Variants in MYO5B observed in about 807,000 individuals in gnomAD.
The protein encoded by MYO5B is unconventional myosin-Vb.
A neutral mutation model predicts 229.3 loss-of-function variants in MYO5B; 143 were observed. The ratio of observed to expected loss-of-function variants is 0.62; its 90% CI spans 0.54 to 0.72. MYO5B has a LOEUF of 0.72. Ranked by LOEUF, MYO5B falls within the 30% of genes least tolerant of loss-of-function variation. The pLI, the probability that MYO5B is intolerant of heterozygous loss-of-function variation, is 0.00. For synonymous variants in MYO5B, 918 were observed against 885.2 expected, an observed-to-expected ratio of 1.04 and a Z score of -0.66; for missense variants, 2,321 against 2,331.0, an observed-to-expected ratio of 1.00 and a Z score of 0.09.
intron 1 of MYO5B, among the ~76,000 whole-genome samples, chr18:50,162,735 C>G (rs1790462): frequency 0.45 from 67,959 of 152,158 alleles, 15,334 homozygotes; most frequent in Admixed American, 0.52. Context: ...TCCACTGCCT[C>G]TAAGTGCTGC....
At chr18:49,836,664 G>A (rs747524662) in intron 38 of MYO5B, 47 bp downstream of exon 38, 4 of 1,608,510 alleles carry the variant, frequency 2.5e-6, no homozygotes, top group Non-Finnish European at 3.4e-6. Flanking sequence ...AATGGACTCA[G>A]GGCTTCCTTG....
At chr18:49,909,407 C>G (rs1349182220) in intron 18 of MYO5B, among the ~76,000 whole-genome samples, 2 of 152,204 alleles carry the variant, frequency 1.3e-5, no homozygotes, top group Admixed American at 1.3e-4. Flanking sequence ...ACCTAGGCAA[C>G]CTTGGGCAAT....
chr18:49,971,325 C>CA (rs1036054729), intron 10 of MYO5B, among the ~76,000 whole-genome samples: 1 of 151,846 alleles, frequency 6.6e-6, no homozygotes, highest in African/African-American at 2.4e-5. Context: ...CATTAAAAAA[C>CA]AAAAAAGGCA....
chr18:49,971,620 C>T (rs1207762439), intron 10 of MYO5B, among the ~76,000 whole-genome samples: 1 of 152,218 alleles, frequency 6.6e-6, no homozygotes, highest in Non-Finnish European at 1.5e-5. Context: ...ACCAGAAAGA[C>T]AGCCTGGGCC....
rs1014444102 is a variant in MYO5B, at chr18:50,126,788, G to A, written c.27+67979C>T. 5.9e-5 allele frequency among the ~76,000 whole-genome samples: 9 copies of A among 152,182 alleles called. No homozygotes were observed. In the South Asian group the frequency reaches 1.7e-3, roughly 28 times the overall value. On this transcript the variant is annotated intron_variant, in intron 1 of 39. Coordinates refer to ENST00000285039, the MANE Select transcript of MYO5B (RefSeq NM_001080467.3). ...CACTATGGCAGTGAAGAGCATGCATGGTGAAGCCAGACTTCCTGGGCTTGA... is the reference window on the plus strand; with the variant it reads ...CACTATGGCAGTGAAGAGCATGCATAGTGAAGCCAGACTTCCTGGGCTTGA...
Position 50,195,070 on chromosome 18 carries a change from T to TGGGGAGGAGGCGAGGGCC in MYO5B, c.-295_-278dup. ...CGCCGCACCACTCCCCTCCCAGGTG[T>TGGGGAGGAGGCGAGGGCC]GGGGAGGAGGCGAGGGCCGGCGAGG... is the stretch of plus-strand genomic sequence containing the variant. On this transcript the variant is annotated 5_prime_UTR_variant, in exon 1 of 40. Transcript: ENST00000285039. 3.2e-6 allele frequency: 1 copy of TGGGGAGGAGGCGAGGGCC among 311,136 alleles called. No individual in the cohort carries two copies. Among genetic ancestry groups the TGGGGAGGAGGCGAGGGCC allele is most frequent in the Non-Finnish European group, 5.8e-6 (1 of 172,062 alleles). 19.3% of individuals were successfully genotyped at this position (311,136 alleles called of 1,614,324 possible).
chr18:49,922,964 G>A lies in MYO5B; in HGVS notation c.2090+6548C>T, dbSNP rs761552131. 6.6e-5 allele frequency among the ~76,000 whole-genome samples: 10 copies of A among 152,186 alleles called. 1 individual carries two copies. The highest frequency in any genetic ancestry group is 2.0e-4 in the Admixed American group (3 of 15,280). On this transcript the variant is annotated intron_variant, in intron 17 of 39. Transcript: ENST00000285039. ...AACAGTAGGAGAATCCATTTTCCAC[G>A]TGGGTCTAAAGACTTTGGGGAAATG...
chr18:49,834,799 C>T (rs536630977), intron 39 of MYO5B, among the ~76,000 whole-genome samples: 12 of 152,140 alleles, frequency 7.9e-5, no homozygotes, highest in African/African-American at 2.4e-4. Context: ...CCACCACGCC[C>T]GGCTAATTTT....
At chr18:49,948,194 AG>A (rs1407181847) in intron 14 of MYO5B, among the ~76,000 whole-genome samples, 1 of 152,268 alleles carries the variant, frequency 6.6e-6, no homozygotes, top group African/African-American at 2.4e-5. Context: ...AATAAGACAT[AG>A]TATAAGAACA....
intron 1 of MYO5B, among the ~76,000 whole-genome samples, chr18:50,106,824 G>A (rs1357415669): frequency 6.6e-6 from 1 of 152,192 alleles, no homozygotes; most frequent in Non-Finnish European, 1.5e-5. Flanking sequence ...TATTATAACA[G>A]GAACTCAAGG....
intron 1 of MYO5B, among the ~76,000 whole-genome samples, chr18:50,057,145 C>A (rs961260956): frequency 1.3e-5 from 2 of 152,220 alleles, no homozygotes; most frequent in Non-Finnish European, 2.9e-5. Flanking sequence ...CTGATCTTAA[C>A]TGTCAACATT....
chr18:49,965,486 T>A (rs2025614637), intron 10 of MYO5B, among the ~76,000 whole-genome samples: 1 of 74,650 alleles, frequency 1.3e-5, no homozygotes, highest in Non-Finnish European at 3.0e-5. Context: ...CACACACACC[T>A]CTTCTCATTC....
chr18:49,826,749 G>C, intron 39 of MYO5B, 126 bp from the exon 40 acceptor site: 1 of 1,157,964 alleles, frequency 8.6e-7, no homozygotes, highest in Non-Finnish European at 1.3e-6. Context: ...TAGAACTTCA[G>C]GACTAGGAGA....
intron 22 of MYO5B, among the ~76,000 whole-genome samples, chr18:49,886,209 G>A (rs1401050074): frequency 6.6e-6 from 1 of 152,164 alleles, no homozygotes; most frequent in Non-Finnish European, 1.5e-5. Flanking sequence ...CAAAGTAGCT[G>A]GGTTTACAGA....
At chr18:50,024,052 G>A (rs954974433) in intron 4 of MYO5B, among the ~76,000 whole-genome samples, 7 of 152,174 alleles carry the variant, frequency 4.6e-5, no homozygotes, top group African/African-American at 1.4e-4. Context: ...ATACAGGCAG[G>A]AAGAAAAATC....
At chr18:49,877,046 A>G (rs1296696932) in intron 25 of MYO5B, among the ~76,000 whole-genome samples, 1 of 152,216 alleles carries the variant, frequency 6.6e-6, no homozygotes, top group African/African-American at 2.4e-5. Context: ...CTGCACAAAG[A>G]ACTGCTCCAA....
chr18:50,048,112 C>CA (rs560094446), intron 2 of MYO5B, among the ~76,000 whole-genome samples: 200 of 141,868 alleles, frequency 1.4e-3, no homozygotes, highest in Middle Eastern at 3.6e-3. Flanking sequence ...ATAAAGTGTA[C>CA]AAAAAAAAAA....
chr18:50,022,722 T>G (rs114909599), intron 4 of MYO5B, among the ~76,000 whole-genome samples: 1 of 152,176 alleles, frequency 6.6e-6, no homozygotes, highest in Non-Finnish European at 1.5e-5. Context: ...GAATTCAGGA[T>G]GTAAAGTGAC....
At chr18:49,903,981 C>A (rs2024871774) in intron 20 of MYO5B, among the ~76,000 whole-genome samples, 1 of 152,386 alleles carries the variant, frequency 6.6e-6, no homozygotes, top group Non-Finnish European at 1.5e-5. Context: ...ACCGCCTGCC[C>A]TCAAGTGTGA....
Sources: gnomAD v4.1 joint callset for allele counts (sites outside exome capture counted in the v4.1 genomes callset) on GRCh38, gnomAD v4.1.1 for gene constraint, MANE v1.5 for transcripts, NCBI Gene and HGNC (gene_info 2026-07-23, HGNC 2026-07-21) for gene names.